The following CACNG5 variants were observed in gnomAD, a reference collection of about 807,000 sequenced individuals.
CACNG5 encodes calcium voltage-gated channel auxiliary subunit gamma 5.
In CACNG5, 18 loss-of-function variants were observed where a neutral mutation model predicts 24.8. The ratio of observed to expected loss-of-function variants is 0.73; its 90% CI spans 0.50 to 1.08. The LOEUF (loss-of-function observed/expected upper bound fraction) is 1.08. CACNG5 is among the 50% of genes least tolerant of loss of function. The pLI is 0.00. For missense variants in CACNG5, 349 were observed against 367.9 expected (o/e 0.95, Z 0.42); for synonymous variants, 157 against 149.1 (o/e 1.05, Z -0.39).
chr17:66,884,427 T>C, intron 4 of CACNG5, 89 bp from the exon 5 acceptor site: 1 of 1,393,992 alleles, frequency 7.2e-7, no homozygotes, highest in Middle Eastern at 2.2e-4. Flanking sequence ...GTGGCTTTGC[T>C]CCTGAATTGC....
At chr17:66,867,994 G>A (rs1182697550) in intron 1 of CACNG5, among the ~76,000 whole-genome samples, 1 of 152,144 alleles carries the variant, frequency 6.6e-6, no homozygotes, top group Non-Finnish European at 1.5e-5. Flanking sequence ...TGATATAATT[G>A]CTATTATCAC....
At chr17:66,867,331 T>C (rs192158716) in intron 1 of CACNG5, among the ~76,000 whole-genome samples, 19 of 152,342 alleles carry the variant, frequency 1.2e-4, no homozygotes, top group African/African-American at 4.6e-4. Context: ...GTTTTTTTCT[T>C]GTAAATTTGT....
rs982166511 is a variant in CACNG5 at position 66,886,726 on chromosome 17, C to T, written c.*1486C>T. Among the ~76,000 whole-genome samples the T allele has an allele frequency of 5.3e-5, 8 of 152,192 alleles. No individual in the cohort carries two copies. Among genetic ancestry groups the T allele is most frequent in the African/African-American group, 1.2e-4 (5 of 41,458 alleles). On this transcript the variant is annotated 3_prime_UTR_variant, in exon 6 of 6. Coordinates refer to ENST00000533854, the MANE Select transcript of CACNG5 (RefSeq NM_145811.3). The stretch of plus-strand genomic sequence containing the variant: ...TCTGGTGTGCGCAGCCTTGGAGAGG[C>T]GGTGTGTCAGGCAGCCGGGCTGCCG...
In CACNG5 at chr17:66,844,572, T is replaced by C. The variant is rs1410840720; in HGVS notation, c.-104+9322T>C. Among the ~76,000 whole-genome samples the C allele has an allele frequency of 6.6e-5, 10 of 152,204 alleles. 1 individual carries two copies. The highest frequency in any genetic ancestry group is 2.9e-5 in the Non-Finnish European group (2 of 68,044). The stretch of plus-strand genomic sequence containing the variant: ...AGTTCATCATATCCTCTCCATATTG[T>C]CTGAATGAGGCTCAGCTGAAGTTTG... On this transcript the variant is annotated intron_variant, in intron 1 of 5. Transcript: ENST00000533854.
chr17:66,845,141 G>A (rs1441350762), intron 1 of CACNG5, among the ~76,000 whole-genome samples: 2 of 152,102 alleles, frequency 1.3e-5, no homozygotes, highest in Non-Finnish European at 2.9e-5. Flanking sequence ...TGTCCTTTGC[G>A]GGGACATGGA....
intron 1 of CACNG5, among the ~76,000 whole-genome samples, chr17:66,850,687 G>A (rs1976701529): frequency 6.6e-6 from 1 of 152,060 alleles, no homozygotes; most frequent in Admixed American, 6.6e-5. Context: ...AATAGAAAGA[G>A]GCAGGTTTTC....
At chr17:66,877,629 C>T in intron 2 of CACNG5, 101 bp downstream of exon 2, 1 of 964,512 alleles carries the variant, frequency 1.0e-6, no homozygotes, top group African/African-American at 1.6e-5. Context: ...TGGAAGGAGA[C>T]CATTCACCAC....
At chr17:66,861,400 A>G (rs1417523915) in intron 1 of CACNG5, among the ~76,000 whole-genome samples, 2 of 152,230 alleles carry the variant, frequency 1.3e-5, no homozygotes, top group East Asian at 3.8e-4. Flanking sequence ...AGAAGATGCC[A>G]TTGTTATCCC....
At chr17:66,871,395 C>A (rs552224515) in intron 1 of CACNG5, among the ~76,000 whole-genome samples, 9 of 152,328 alleles carry the variant, frequency 5.9e-5, no homozygotes, top group Admixed American at 2.6e-4. Flanking sequence ...TCTCTTTCCA[C>A]TTCCTTCCTC....
intron 1 of CACNG5, among the ~76,000 whole-genome samples, chr17:66,844,990 A>G (rs1976617092): frequency 6.6e-6 from 1 of 152,188 alleles, no homozygotes; most frequent in Non-Finnish European, 1.5e-5. Flanking sequence ...AGACACATGC[A>G]CATGTATGTT....
At position 66,884,512 on chromosome 17, in the gene CACNG5, C is replaced by A; in HGVS notation, c.425-4C>A. On this transcript the variant is annotated splice_region_variant and splice_polypyrimidine_tract_variant and intron_variant, in intron 4 of 5. Transcript: ENST00000533854. ...GCATCCCCTCTCCCCTGCTGCCCAA[C>A]CAGGCCTCTCTCTCGTGGTGGGCCT... The A allele has an allele frequency of 1.9e-6, 3 of 1,604,226 alleles. No individual in the cohort carries two copies. Among genetic ancestry groups the A allele is most frequent in the Non-Finnish European group, 2.6e-6 (3 of 1,174,222 alleles).
chr17:66,884,383 G>A lies in CACNG5; in HGVS notation c.425-133G>A, dbSNP rs1014206688. On this transcript the variant is annotated intron_variant, in intron 4 of 5. Coordinates refer to ENST00000533854, the MANE Select transcript of CACNG5 (RefSeq NM_145811.3). ...GGGAGGAAAGTTTCTGCTCTCCTTT[G>A]AACTCCACTGAGAGCATTGTTACCC... The A allele has an allele frequency of 3.4e-6, 3 of 884,810 alleles. No individual in the cohort carries two copies. The African/African-American group carries it at 5.0e-5, about 15-fold the overall frequency. 54.8% of individuals were successfully genotyped at this position (884,810 alleles called of 1,614,324 possible). A position where few individuals can be genotyped will look rare whatever the true frequency, so the allele number is the denominator to read the frequency against.
intron 1 of CACNG5, among the ~76,000 whole-genome samples, chr17:66,874,439 C>A (rs1309697315): frequency 1.3e-5 from 2 of 152,118 alleles, no homozygotes; most frequent in Non-Finnish European, 2.9e-5. Flanking sequence ...AGGCCATATC[C>A]CTGGCCTGTG....
At chr17:66,865,279 T>G (rs531725344) in intron 1 of CACNG5, among the ~76,000 whole-genome samples, 1 of 152,222 alleles carries the variant, frequency 6.6e-6, no homozygotes, top group South Asian at 2.1e-4. Context: ...TTTTTTTTTT[T>G]TCAGCTGGTT....
rs530441560 is a variant in CACNG5, at chr17:66,851,756, T to G, written c.-104+16506T>G. Among the ~76,000 whole-genome samples, 17 of 152,296 alleles carry G rather than the reference T, an allele frequency of 1.1e-4. No individual in the cohort carries two copies. The South Asian group carries it at 3.5e-3, about 32-fold the overall frequency. ...GAACGAGAAAAAGACCAAAATGATA[T>G]GTGGGATAATCATTATTTAACACCT... On this transcript the variant is annotated intron_variant, in intron 1 of 5. Transcript: ENST00000533854.
intron 1 of CACNG5, among the ~76,000 whole-genome samples, chr17:66,855,914 A>C (rs986839917): frequency 1.3e-5 from 2 of 152,254 alleles, no homozygotes; most frequent in African/African-American, 2.4e-5. Flanking sequence ...TCATCATCCC[A>C]CATTTTAAAA....
chr17:66,843,985 G>A (rs1367738267), intron 1 of CACNG5, among the ~76,000 whole-genome samples: 2 of 138,392 alleles, frequency 1.4e-5, no homozygotes, highest in African/African-American at 2.6e-5. Context: ...GGCTGGGGGG[G>A]TTGTCCATAC....
At chr17:66,878,400 G>A (rs1977113863) in intron 2 of CACNG5, among the ~76,000 whole-genome samples, 1 of 152,234 alleles carries the variant, frequency 6.6e-6, no homozygotes. Flanking sequence ...TTTGGGGGAT[G>A]GAGTGGGTAT....
At chr17:66,856,742 C>T (rs1976783671) in intron 1 of CACNG5, among the ~76,000 whole-genome samples, 2 of 151,976 alleles carry the variant, frequency 1.3e-5, no homozygotes, top group Non-Finnish European at 2.9e-5. Flanking sequence ...AGGGTTTCAC[C>T]ATGTTGGCCA....
Sources: allele counts gnomAD v4.1 joint callset (sites outside exome capture counted in the v4.1 genomes callset), GRCh38; gene constraint gnomAD v4.1.1; transcripts MANE v1.5; gene names NCBI Gene and HGNC (gene_info 2026-07-23, HGNC 2026-07-21).